PCDH15: variants seen among roughly 807,000 people sequenced by gnomAD.
PCDH15 encodes protocadherin related 15, also known as protocadherin-15.
Under a neutral mutation model 178.5 loss-of-function variants are expected in PCDH15, and 129 were observed. The ratio of observed to expected loss-of-function variants is 0.72; its 90% CI spans 0.63 to 0.84. PCDH15 has a LOEUF of 0.84. Among genes scored for constraint, PCDH15 ranks in the 40% least tolerant of loss-of-function variants. PCDH15 has a pLI of 0.00. For missense variants in PCDH15, 2,230 were observed against 2,099.9 expected (o/e 1.06, Z -1.21); for synonymous variants, 800 against 732.0 (o/e 1.09, Z -1.50).
At chr10:54,642,155 A>T (rs965593541) in intron 2 of PCDH15, among the ~76,000 whole-genome samples, 1 of 152,078 alleles carries the variant, frequency 6.6e-6, no homozygotes, top group Admixed American at 6.6e-5. Flanking sequence ...ATGCCTTATA[A>T]GAGGCCCCGA....
intron 3 of PCDH15, among the ~76,000 whole-genome samples, chr10:54,485,717 C>T (rs1339500367): frequency 6.6e-6 from 1 of 151,920 alleles, no homozygotes. Context: ...GAGTTTTTAG[C>T]CATTTATTTT....
chr10:55,458,872 G>A (rs139734477), intron 2 of PCDH15, among the ~76,000 whole-genome samples: 8 of 151,966 alleles, frequency 5.3e-5, no homozygotes, highest in African/African-American at 9.6e-5. Flanking sequence ...ACACTAAAAC[G>A]GTAAATGACT....
chr10:54,441,612 CAT>C (rs2075794007), intron 3 of PCDH15, among the ~76,000 whole-genome samples: 3 of 151,882 alleles, frequency 2.0e-5, no homozygotes, highest in Non-Finnish European at 4.4e-5. Flanking sequence ...CCACAGAATT[CAT>C]TGAGATAAAC....
At chr10:55,077,425 TCC>T (rs1564777071) in intron 2 of PCDH15, among the ~76,000 whole-genome samples, 3 of 149,616 alleles carry the variant, frequency 2.0e-5, no homozygotes, top group Non-Finnish European at 4.4e-5. Flanking sequence ...CTTCCTTCCT[TCC>T]TTCCTTCCTT....
chr10:54,622,487 C>CT (rs1276167023), intron 2 of PCDH15, among the ~76,000 whole-genome samples: 1 of 141,892 alleles, frequency 7.0e-6, no homozygotes, highest in Non-Finnish European at 1.5e-5. Context: ...CTCTTAACCT[C>CT]TTAACCTATT....
chr10:54,152,517 G>A (rs1307392268), intron 14 of PCDH15, among the ~76,000 whole-genome samples: 1 of 151,558 alleles, frequency 6.6e-6, no homozygotes, highest in Non-Finnish European at 1.5e-5. Context: ...TACATTCATT[G>A]TGAATGGAAA....
upstream of PCDH15, among the ~76,000 whole-genome samples, chr10:55,324,000 G>A (rs1843969856): frequency 1.3e-5 from 2 of 152,020 alleles, no homozygotes; most frequent in Non-Finnish European, 2.9e-5. Context: ...CCATTTTCCT[G>A]GTAATGAATA....
chr10:55,409,970 A>G (rs1838293305), intron 2 of PCDH15, among the ~76,000 whole-genome samples: 1 of 152,156 alleles, frequency 6.6e-6, no homozygotes, highest in African/African-American at 2.4e-5. Flanking sequence ...TTAAACAAAA[A>G]CTGAAATGAT....
At chr10:55,474,135 C>G (rs551665778) in intron 2 of PCDH15, among the ~76,000 whole-genome samples, 2 of 152,002 alleles carry the variant, frequency 1.3e-5, no homozygotes, top group Non-Finnish European at 2.9e-5. Flanking sequence ...TAACAAAATT[C>G]AAGATCAGAT....
chr10:55,275,564 C>A (rs1319063513), intron 1 of PCDH15, among the ~76,000 whole-genome samples: 1 of 151,886 alleles, frequency 6.6e-6, no homozygotes, highest in Non-Finnish European at 1.5e-5. Context: ...ATCATTTATC[C>A]GTACTTATAA....
intron 2 of PCDH15, among the ~76,000 whole-genome samples, chr10:55,380,679 C>T (rs1467968612): frequency 4.6e-5 from 7 of 152,078 alleles, no homozygotes; most frequent in African/African-American, 7.2e-5. Context: ...GCATTGGCCA[C>T]GCAGGACTTG....
At chr10:54,131,407 C>T (rs2042424447) in intron 15 of PCDH15, among the ~76,000 whole-genome samples, 2 of 152,008 alleles carry the variant, frequency 1.3e-5, no homozygotes, top group Admixed American at 1.3e-4. Flanking sequence ...AGACAAAGAT[C>T]TTATTACTCC....
chr10:53,961,666 A>G (rs182862109), intron 22 of PCDH15, 86 bp downstream of exon 22: 1 of 1,010,270 alleles, frequency 9.9e-7, no homozygotes, highest in Admixed American at 3.0e-5. Context: ...AAATTGAAAG[A>G]AAAAAATGTG....
intron 5 of PCDH15, among the ~76,000 whole-genome samples, chr10:54,365,928 G>T (rs1332614854): frequency 2.6e-5 from 4 of 152,086 alleles, no homozygotes; most frequent in Admixed American, 2.6e-4. Flanking sequence ...GCGTAAGAGG[G>T]TAGCATTTAA....
intron 1 of PCDH15, among the ~76,000 whole-genome samples, chr10:55,233,887 C>T (rs1254224600): frequency 6.6e-6 from 1 of 151,822 alleles, no homozygotes; most frequent in African/African-American, 2.4e-5. Flanking sequence ...ACAATGAGAC[C>T]ACCCCCAAAA....
chr10:54,460,034 C>A (rs2077074412), intron 3 of PCDH15, among the ~76,000 whole-genome samples: 1 of 152,042 alleles, frequency 6.6e-6, no homozygotes, highest in South Asian at 2.1e-4. Flanking sequence ...CCAAGCTGTT[C>A]TTTTCCACAG....
intron 3 of PCDH15, among the ~76,000 whole-genome samples, chr10:54,382,558 C>T (rs1334992907): frequency 6.6e-6 from 1 of 152,084 alleles, no homozygotes; most frequent in Non-Finnish European, 1.5e-5. Flanking sequence ...GTTTCTATTT[C>T]CCATGTATAT....
At chr10:54,170,220 C>A (rs1430054319) in intron 13 of PCDH15, among the ~76,000 whole-genome samples, 7 of 149,976 alleles carry the variant, frequency 4.7e-5, no homozygotes, top group African/African-American at 7.5e-5. Context: ...CGTGCTCTCC[C>A]TGCCAATCGT....
Position 53,806,328 on chromosome 10 carries a change from A to G in PCDH15, c.*251T>C, listed in dbSNP as rs900955201. On this transcript the variant is annotated 3_prime_UTR_variant, in exon 38 of 38. Coordinates refer to ENST00000644397, the MANE Select transcript of PCDH15 (RefSeq NM_001384140.1). ...AAAATGAACAAAAATTCAAGACCCA[A>G]CAAAACAGCTAAATGTTTAAACGAT... 5.3e-6 allele frequency: 2 copies of G among 378,052 alleles called. No homozygotes were observed. The highest frequency in any genetic ancestry group is 4.1e-5 in the African/African-American group (2 of 48,294). 23.4% of individuals were successfully genotyped at this position (378,052 alleles called of 1,614,324 possible).
Sources: allele counts gnomAD v4.1 joint callset (sites outside exome capture counted in the v4.1 genomes callset), GRCh38; gene constraint gnomAD v4.1.1; transcripts MANE v1.5; gene names NCBI Gene and HGNC (gene_info 2026-07-23, HGNC 2026-07-21).